Variants in METTL27 observed in about 807,000 individuals in gnomAD.
METTL27 encodes methyltransferase-like protein 27.
Under a neutral mutation model 24.5 loss-of-function variants are expected in METTL27, and 29 were observed. That is an observed-to-expected ratio of 1.18 (90% CI 0.88 to 1.61). The LOEUF (loss-of-function observed/expected upper bound fraction) is 1.61, where lower values mean the gene tolerates loss of function less well. Ranked by LOEUF, METTL27 falls within the 40% of genes most tolerant of loss-of-function variation. METTL27 has a pLI of 0.00. For synonymous variants in METTL27, 138 were observed against 146.8 expected (o/e 0.94, Z 0.43); for missense variants, 341 against 324.3 (o/e 1.05, Z -0.40).
chr7:73,841,976 T>A (rs1263751026), intron 2 of METTL27, 42 bp downstream of exon 2: 2 of 1,613,134 alleles, frequency 1.2e-6, no homozygotes, highest in African/African-American at 2.7e-5. Flanking sequence ...GGTAGAAAAA[T>A]GGAGGCTGGT....
Position 73,842,095 on chromosome 7 carries a change from C to G in METTL27, c.46G>C (p.Val16Leu). Reference protein sequence around the residue: ...GGSLPEVRARVRAAHGIPDLA... With the variant: ...GGSLPEVRARLRAAHGIPDLA... ...TCGGGGATGCCATGCGCGGCCCTGA[C>G]CCGCGCCCGCACCTCGGGCAGGCTC... The change falls in exon 2 of 6, where the codon GTC becomes CTC. Residue 16 changes from valine (V) to leucine (L), a missense_variant. By Grantham distance (32) the Val-to-Leu change is conservative (BLOSUM62 1). Coordinates refer to ENST00000297873, the MANE Select transcript of METTL27 (RefSeq NM_152559.3). 1.2e-6 allele frequency: 2 copies of G among 1,613,652 alleles called. No homozygotes were observed. The highest frequency in any genetic ancestry group is 8.5e-7 in the Non-Finnish European group (1 of 1,179,930).
intron 3 of METTL27, 54 bp downstream of exon 3, chr7:73,841,016 G>A (rs1274860648): frequency 5.2e-5 from 74 of 1,412,476 alleles, no homozygotes; most frequent in Non-Finnish European, 6.5e-5. Context: ...GGCAGTAGGA[G>A]ATTTGAGGAA....
intron 3 of METTL27, 142 bp downstream of exon 3, chr7:73,840,928 G>T: frequency 7.7e-7 from 1 of 1,297,178 alleles, no homozygotes; most frequent in Non-Finnish European, 1.0e-6. Context: ...CCCATAGTGT[G>T]AGCCACAGTA....
Position 73,840,121 on chromosome 7 carries a change from CTG to C in METTL27, c.389-3_389-2del, listed in dbSNP as rs375025208. On this transcript the variant is annotated splice_acceptor_variant and splice_polypyrimidine_tract_variant and intron_variant, in intron 4 of 5. Coordinates refer to ENST00000297873, the MANE Select transcript of METTL27 (RefSeq NM_152559.3). LOFTEE classifies it high-confidence loss of function. ...ACTATCAGCACCGCGTCGAAGGTCC[CTG>C]TGTGTGTGTGGGGGGGGGTGGGGAC... 631 of 1,459,042 alleles carry C rather than the reference CTG, an allele frequency of 4.3e-4. 9 individuals carry two copies. Among genetic ancestry groups the C allele is most frequent in the East Asian group, 2.0e-3 (80 of 39,322 alleles). The allele number at this position is 1,459,042 out of a possible 1,614,324, so 90.4% of individuals were successfully genotyped here.
At chr7:73,835,183 C>T in intron 5 of METTL27, 181 bp from the exon 6 acceptor site, 1 of 728,002 alleles carries the variant, frequency 1.4e-6, no homozygotes, top group South Asian at 1.9e-5. Context: ...TCTCCCTCCT[C>T]TCCCTCCTCT....
Position 73,840,128 on chromosome 7 carries a change from TGTGTGGG to T in METTL27, c.389-15_389-9del. 2.6e-5 allele frequency: 32 copies of T among 1,210,798 alleles called. No homozygotes were observed. The highest frequency in any genetic ancestry group is 3.4e-5 in the Non-Finnish European group (31 of 906,522). 75.0% of individuals were successfully genotyped at this position (1,210,798 alleles called of 1,614,324 possible). On this transcript the variant is annotated splice_polypyrimidine_tract_variant and intron_variant, in intron 4 of 5. Coordinates refer to ENST00000297873, the MANE Select transcript of METTL27 (RefSeq NM_152559.3). ...GCACCGCGTCGAAGGTCCCTGTGTG[TGTGTGGG>T]GGGGGGTGGGGACATGGTGTGATGC...
rs782708383 is a variant in METTL27 at position 73,840,544 on chromosome 7, C to G, written c.258G>C (p.Arg86=). ...CATGCAGCTGGAGGAAGCCTGGAGC[C>G]CGCAGCTGGGGTAGGGGTGGGAGAC... ...CGTGLVAAEL[R]APGFLQLHGV... The change falls in exon 4 of 6, where the codon CGG becomes CGC. Residue 86 remains arginine (R), a synonymous_variant. Coordinates refer to ENST00000297873, the MANE Select transcript of METTL27 (RefSeq NM_152559.3). The G allele has an allele frequency of 1.9e-6, 3 of 1,591,958 alleles. No homozygotes were observed. In the African/African-American group the frequency reaches 4.0e-5, roughly 21 times the overall value.
rs782679951 is a variant in METTL27 at position 73,842,104 on chromosome 7, G to A, written c.37C>T (p.Arg13Trp). Residue 13 changes from arginine to tryptophan, a missense_variant, in exon 2 of 6, where the codon CGG becomes TGG. Transcript: ENST00000297873. ...QEEGGSLPEVRARVRAAHGIP... is the reference protein window; with the variant it reads ...QEEGGSLPEVWARVRAAHGIP... ...CCATGCGCGGCCCTGACCCGCGCCC[G>A]CACCTCGGGCAGGCTCCCACCCTCC... 16 of 1,613,192 alleles carry A rather than the reference G, an allele frequency of 9.9e-6. No individual in the cohort carries two copies. Among genetic ancestry groups the A allele is most frequent in the Non-Finnish European group, 1.3e-5 (15 of 1,179,876 alleles).
chr7:73,840,680 A>C, intron 3 of METTL27, 131 bp from the exon 4 acceptor site: 1 of 1,302,572 alleles, frequency 7.7e-7, no homozygotes, highest in Non-Finnish European at 1.0e-6. Flanking sequence ...AATTTTTGAG[A>C]CAAGGTCTCT....
At position 73,840,473 on chromosome 7, in the gene METTL27, C is replaced by A. The variant is rs782063684; in HGVS notation, c.329G>T (p.Gly110Val). The A allele has an allele frequency of 6.8e-6, 11 of 1,608,372 alleles. No individual in the cohort carries two copies. Among genetic ancestry groups the A allele is most frequent in the Non-Finnish European group, 9.3e-6 (11 of 1,178,068 alleles). ...PGMLEQAQAP[G>V]LYQRLSLCTL... ...GCAGAGGCTGAGGCGCTGATAGAGG[C>A]CGGGGGCCTGGGCCTGTTCCAGCAT... is the stretch of plus-strand genomic sequence containing the variant. The change falls in exon 4 of 6, where the codon GGC (glycine) becomes GTC (valine). Residue 110 changes from glycine (G) to valine (V), a missense_variant. Gly to Val is a moderately radical substitution (Grantham distance 109, BLOSUM62 -3). Coordinates refer to ENST00000297873, the MANE Select transcript of METTL27 (RefSeq NM_152559.3).
At position 73,841,145 on chromosome 7, in the gene METTL27, T is replaced by C. The variant is rs1788342166; in HGVS notation, c.177A>G (p.Thr59=). 3 of 1,544,190 alleles carry C rather than the reference T, an allele frequency of 1.9e-6. No homozygotes were observed. ...TGTGGGGCGGGCCTGGAAGGGCTTG[T>C]GTGAGGCAGTCCACTGCGAGGCGGG... is the stretch of plus-strand genomic sequence containing the variant. The part of the protein sequence containing the change: ...RAPRLAVDCL[T]QALPGPPHSA... The change falls in exon 3 of 6, where the codon ACA becomes ACG. Residue 59 remains threonine (T), a synonymous_variant. Transcript: ENST00000297873.
chr7:73,835,194 C>G, intron 5 of METTL27, 192 bp from the exon 6 acceptor site: 1 of 313,678 alleles, frequency 3.2e-6, no homozygotes, highest in Non-Finnish European at 5.4e-6. Context: ...TCCCTCCTCT[C>G]CCTCTCCCTC....
At position 73,840,654 on chromosome 7, in the gene METTL27, G is replaced by T. The variant is rs1682268698; in HGVS notation, c.253-105C>A. The stretch of plus-strand genomic sequence containing the variant: ...GGACTCTGCACTGAATGTGGCCCAT[G>T]CATTTGCTTTTTTTAAATTTTTGAG... On this transcript the variant is annotated intron_variant, in intron 3 of 5. Transcript: ENST00000297873. The T allele has an allele frequency of 5.5e-6, 8 of 1,448,584 alleles. 1 individual carries two copies. In the South Asian group the frequency reaches 1.1e-4, roughly 21 times the overall value. The allele number at this position is 1,448,584 out of a possible 1,614,324, so 89.7% of individuals were successfully genotyped here.
At position 73,834,784 on chromosome 7, in the gene METTL27, T is replaced by C. The variant is rs782335068; in HGVS notation, c.697A>G (p.Thr233Ala). 87 of 1,613,936 alleles carry C rather than the reference T, an allele frequency of 5.4e-5. No homozygotes were observed. The highest frequency in any genetic ancestry group is 7.3e-5 in the Non-Finnish European group (86 of 1,180,010). ...GGTCGCCTTCCACTTTCGGTACAGG[T>C]AGACAATGCCGGAGATGAAGCCATC... ...PRMASSPALS[T>A]CTESGRRPRL... Residue 233 changes from threonine to alanine, a missense_variant, in exon 6 of 6, where the codon ACC becomes GCC. Transcript: ENST00000297873.
intron 5 of METTL27, among the ~76,000 whole-genome samples, chr7:73,836,123 A>C (rs1788180233): frequency 8.8e-6 from 1 of 113,110 alleles, no homozygotes; most frequent in Non-Finnish European, 2.1e-5. Flanking sequence ...CCCATCCGGG[A>C]GGGAGGTGGG....
Position 73,840,132 on chromosome 7 carries a change from TGGGG to T in METTL27, c.389-16_389-13del. The T allele has an allele frequency of 3.7e-6, 3 of 819,946 alleles. No individual in the cohort carries two copies. The highest frequency in any genetic ancestry group is 3.2e-6 in the Non-Finnish European group (2 of 618,296). 50.8% of individuals were successfully genotyped at this position (819,946 alleles called of 1,614,324 possible). ...CGCGTCGAAGGTCCCTGTGTGTGTG[TGGGG>T]GGGGGTGGGGACATGGTGTGATGCT... On this transcript the variant is annotated splice_polypyrimidine_tract_variant and intron_variant, in intron 4 of 5. Transcript: ENST00000297873.
intron 1 of METTL27, 96 bp from the exon 2 acceptor site, chr7:73,842,240 G>A (rs1788387493): frequency 6.0e-6 from 9 of 1,495,648 alleles, no homozygotes; most frequent in Non-Finnish European, 7.9e-6. Context: ...AGGCTGCCAG[G>A]CCTCCTGCCA....
chr7:73,842,396 T>G (rs782237189), intron 1 of METTL27, 94 bp downstream of exon 1: 4 of 498,444 alleles, frequency 8.0e-6, no homozygotes, highest in African/African-American at 2.0e-5. Context: ...GAAGGACCTA[T>G]CTTCCTCTTT....
At chr7:73,836,820 G>A (rs1554635382) in intron 5 of METTL27, among the ~76,000 whole-genome samples, 1 of 87,970 alleles carries the variant, frequency 1.1e-5, no homozygotes, top group African/African-American at 3.5e-5. Context: ...GGATGACAAT[G>A]GCGGCTTTGT....
Sources: allele counts gnomAD v4.1 joint callset (sites outside exome capture counted in the v4.1 genomes callset), GRCh38; gene constraint gnomAD v4.1.1; transcripts MANE v1.5; gene names NCBI Gene and HGNC (gene_info 2026-07-23, HGNC 2026-07-21).